NAALADL2: variants seen among roughly 807,000 people sequenced by gnomAD.
NAALADL2 encodes the protein inactive N-acetylated-alpha-linked acidic dipeptidase-like protein 2.
NAALADL2 carries 76 observed loss-of-function variants against 87.2 expected under a neutral mutation model. The ratio of observed to expected loss-of-function variants is 0.87; its 90% CI spans 0.72 to 1.05. The LOEUF is 1.05. Among genes scored for constraint, NAALADL2 ranks in the 50% least tolerant of loss-of-function variants. The probability of loss-of-function intolerance (pLI) is 0.00; values close to 1 mark genes in which losing one functional copy is unlikely to be tolerated. For missense variants in NAALADL2, 1,089 were observed against 945.8 expected, an observed-to-expected ratio of 1.15 and a Z score of -1.99; for synonymous variants, 354 against 331.0, an observed-to-expected ratio of 1.07 and a Z score of -0.75.
At chr3:175,395,279 A>G (rs983328411) in intron 5 of NAALADL2, among the ~76,000 whole-genome samples, 3 of 152,116 alleles carry the variant, frequency 2.0e-5, no homozygotes, top group African/African-American at 7.2e-5. Context: ...TTAAAAACTT[A>G]TGATTTGTTT....
chr3:175,690,351 C>T (rs540553891), intron 11 of NAALADL2, among the ~76,000 whole-genome samples: 4 of 152,054 alleles, frequency 2.6e-5, no homozygotes, highest in East Asian at 1.9e-4. Flanking sequence ...TGAAACACAT[C>T]GTAAGAGGGT....
intron 12 of NAALADL2, among the ~76,000 whole-genome samples, chr3:175,751,462 G>T (rs1746618754): frequency 6.6e-6 from 1 of 152,132 alleles, no homozygotes; most frequent in Admixed American, 6.5e-5. Flanking sequence ...TAAAAAATGG[G>T]TTTGTAGTAA....
chr3:174,448,004 T>A (rs991014958), intron 1 of NAALADL2, among the ~76,000 whole-genome samples: 2 of 152,212 alleles, frequency 1.3e-5, no homozygotes, highest in Non-Finnish European at 2.9e-5. Flanking sequence ...TTGGTTTGAT[T>A]TGCTTTCCTG....
At chr3:175,115,243 C>A (rs1724913147) in intron 2 of NAALADL2, 1 of 151,474 alleles carries the variant, frequency 6.6e-6, no homozygotes, top group African/African-American at 2.4e-5. Context: ...CTGTCATAGG[C>A]CCAGCAAACA....
chr3:174,511,489 G>C (rs1483284116), intron 1 of NAALADL2, among the ~76,000 whole-genome samples: 1 of 151,460 alleles, frequency 6.6e-6, no homozygotes, highest in Non-Finnish European at 1.5e-5. Context: ...GCTTTCTTTT[G>C]GTTAGTGATT....
At chr3:175,145,683 AT>A (rs35760253) in intron 2 of NAALADL2, among the ~76,000 whole-genome samples, 7 of 150,974 alleles carry the variant, frequency 4.6e-5, no homozygotes, top group Middle Eastern at 3.4e-3. Flanking sequence ...ACTTCTGTGT[AT>A]TTTTTTTTAC....
intron 2 of NAALADL2, among the ~76,000 whole-genome samples, chr3:174,690,374 A>G (rs1234413625): frequency 6.6e-6 from 1 of 152,154 alleles, no homozygotes; most frequent in South Asian, 2.1e-4. Context: ...AAGTTTTACG[A>G]GTATCATTAA....
At chr3:174,574,833 A>G (rs971041595) in intron 2 of NAALADL2, among the ~76,000 whole-genome samples, 6 of 152,204 alleles carry the variant, frequency 3.9e-5, no homozygotes, top group African/African-American at 9.6e-5. Context: ...AGATTTATCT[A>G]TGATGTTGCT....
chr3:174,689,124 C>T (rs1467509865), intron 2 of NAALADL2, among the ~76,000 whole-genome samples: 2 of 151,902 alleles, frequency 1.3e-5, no homozygotes, highest in African/African-American at 4.8e-5. Flanking sequence ...TGAATAAAAA[C>T]AATAAGTATA....
At chr3:175,272,172 T>G (rs1158216557) in intron 4 of NAALADL2, among the ~76,000 whole-genome samples, 1 of 152,194 alleles carries the variant, frequency 6.6e-6, no homozygotes, top group East Asian at 1.9e-4. Context: ...ATCGATGGAC[T>G]AATTCAATTC....
chr3:175,702,813 A>G (rs1006754012), intron 11 of NAALADL2, among the ~76,000 whole-genome samples: 1 of 152,156 alleles, frequency 6.6e-6, no homozygotes, highest in Non-Finnish European at 1.5e-5. Flanking sequence ...AGTGTATTAA[A>G]TTGTCAGCAA....
chr3:175,234,316 A>G, intron 3 of NAALADL2, 112 bp downstream of exon 3: 2 of 1,162,960 alleles, frequency 1.7e-6, no homozygotes, highest in Non-Finnish European at 2.4e-6. Context: ...TAACCATTAA[A>G]TCTTTTCAGT....
At chr3:174,853,291 T>A (rs1352524103) in intron 3 of NAALADL2, among the ~76,000 whole-genome samples, 1 of 146,568 alleles carries the variant, frequency 6.8e-6, no homozygotes, top group African/African-American at 2.5e-5. Context: ...GGCAGGAGAA[T>A]TGCTTGAACT....
chr3:175,315,775 T>G (rs1759065232), intron 4 of NAALADL2, among the ~76,000 whole-genome samples: 1 of 152,186 alleles, frequency 6.6e-6, no homozygotes, highest in South Asian at 2.1e-4. Flanking sequence ...ATATTTCAGT[T>G]TTCTTTATAT....
chr3:175,138,607 A>G (rs1221040537), intron 2 of NAALADL2, among the ~76,000 whole-genome samples: 1 of 147,464 alleles, frequency 6.8e-6, no homozygotes, highest in Non-Finnish European at 1.5e-5. Flanking sequence ...CAGAGTATTT[A>G]TTATTATTAT....
chr3:174,945,818 C>T (rs938996044), intron 1 of NAALADL2, among the ~76,000 whole-genome samples: 7 of 151,966 alleles, frequency 4.6e-5, no homozygotes, highest in Non-Finnish European at 7.4e-5. Flanking sequence ...GAGGCTGAGG[C>T]GGGCAGATCG....
chr3:175,661,380 G>A (rs539336897), intron 11 of NAALADL2, among the ~76,000 whole-genome samples: 1 of 149,964 alleles, frequency 6.7e-6, no homozygotes, highest in African/African-American at 2.4e-5. Context: ...TGAGTCATTT[G>A]AGTTCCTTAT....
chr3:175,687,753 G>A (rs1736500131), intron 11 of NAALADL2, among the ~76,000 whole-genome samples: 1 of 152,164 alleles, frequency 6.6e-6, no homozygotes, highest in African/African-American at 2.4e-5. Flanking sequence ...ACGGCTTGGT[G>A]CCGTCCTTGT....
intron 1 of NAALADL2, among the ~76,000 whole-genome samples, chr3:174,468,424 A>G (rs1292179157): frequency 1.7e-4 from 22 of 132,360 alleles, no homozygotes; most frequent in Admixed American, 6.2e-4. Flanking sequence ...ACTCTTGCCC[A>G]GGCTGGAGTG....
Sources: allele counts gnomAD v4.1 joint callset (sites outside exome capture counted in the v4.1 genomes callset), GRCh38; gene constraint gnomAD v4.1.1; transcripts MANE v1.5; gene names NCBI Gene and HGNC (gene_info 2026-07-23, HGNC 2026-07-21).